The following PCDH15 variants were observed in gnomAD, a reference collection of about 807,000 sequenced individuals.
PCDH15 encodes the protein protocadherin related 15, also known as protocadherin-15.
A neutral mutation model predicts 178.5 loss-of-function variants in PCDH15; 129 were observed. The observed-to-expected ratio is 0.72, with a 90% confidence interval of 0.63 to 0.84. The LOEUF is 0.84. PCDH15 is among the 40% of genes least tolerant of loss of function. The probability of loss-of-function intolerance (pLI) is 0.00; values close to 1 mark genes in which losing one functional copy is unlikely to be tolerated. For synonymous variants in PCDH15, 800 were observed against 732.0 expected, an observed-to-expected ratio of 1.09 and a Z score of -1.50; for missense variants, 2,230 against 2,099.9, an observed-to-expected ratio of 1.06 and a Z score of -1.21.
At chr10:54,042,291 A>C (rs1260735681) in intron 18 of PCDH15, among the ~76,000 whole-genome samples, 3 of 152,108 alleles carry the variant, frequency 2.0e-5, no homozygotes, top group African/African-American at 7.2e-5. Flanking sequence ...CATTTGCCCA[A>C]GTCAATAGTT....
intron 1 of PCDH15, among the ~76,000 whole-genome samples, chr10:55,314,319 A>C (rs781113742): frequency 2.0e-5 from 3 of 151,184 alleles, no homozygotes; most frequent in Non-Finnish European, 4.4e-5. Flanking sequence ...ATTTTCTCTA[A>C]TGTTGACCTA....
intron 18 of PCDH15, among the ~76,000 whole-genome samples, chr10:54,048,394 C>G (rs2093698583): frequency 6.6e-6 from 1 of 152,084 alleles, no homozygotes; most frequent in Non-Finnish European, 1.5e-5. Flanking sequence ...TGCAGAAGCT[C>G]CTTAGTTTAA....
intron 8 of PCDH15, among the ~76,000 whole-genome samples, chr10:54,300,951 C>A (rs969034974): frequency 1.3e-5 from 2 of 152,140 alleles, no homozygotes; most frequent in Admixed American, 1.3e-4. Flanking sequence ...TCACTCCTCA[C>A]AATAAATCTT....
At chr10:54,002,879 C>T (rs2092228179) in intron 20 of PCDH15, among the ~76,000 whole-genome samples, 1 of 152,126 alleles carries the variant, frequency 6.6e-6, no homozygotes, top group Non-Finnish European at 1.5e-5. Context: ...AAGTCCTAGC[C>T]ACCACAGCCA....
At chr10:54,770,222 A>T (rs1174898111) in intron 1 of PCDH15, among the ~76,000 whole-genome samples, 1 of 152,100 alleles carries the variant, frequency 6.6e-6, no homozygotes, top group Non-Finnish European at 1.5e-5. Flanking sequence ...GAGTTAACTG[A>T]TTCTGTTAAT....
intron 1 of PCDH15, among the ~76,000 whole-genome samples, chr10:55,260,340 G>T (rs971584447): frequency 6.6e-6 from 1 of 151,956 alleles, no homozygotes; most frequent in Non-Finnish European, 1.5e-5. Context: ...AGGAGGAAAG[G>T]GGATAAAAGG....
chr10:53,903,387 G>C lies in PCDH15; in HGVS notation c.3374-17C>G. ...CTGTATTGCCTGGAGGACAAGAAAC[G>C]ATGCATTTTTTATTGGTGGTTATTC... On this transcript the variant is annotated splice_polypyrimidine_tract_variant and intron_variant, in intron 25 of 37. Coordinates refer to ENST00000644397, the MANE Select transcript of PCDH15 (RefSeq NM_001384140.1). 6.2e-7 allele frequency: 1 copy of C among 1,611,096 alleles called. No homozygotes were observed. Among genetic ancestry groups the C allele is most frequent in the Non-Finnish European group, 8.5e-7 (1 of 1,178,656 alleles).
Position 54,132,861 on chromosome 10 carries a change from A to C in PCDH15, c.1917+14T>G, listed in dbSNP as rs1338380756. The C allele has an allele frequency of 1.9e-6, 3 of 1,604,208 alleles. No homozygotes were observed. The highest frequency in any genetic ancestry group is 2.6e-6 in the Non-Finnish European group (3 of 1,175,158). On this transcript the variant is annotated intron_variant, in intron 15 of 37. Transcript: ENST00000644397. ...TTTATACACACACACACACACACAC[A>C]CCAAGGAACATACCTGTAGATTTAA...
chr10:55,086,717 A>G (rs964965882), intron 2 of PCDH15, among the ~76,000 whole-genome samples: 1 of 152,102 alleles, frequency 6.6e-6, no homozygotes, highest in Non-Finnish European at 1.5e-5. Flanking sequence ...AATGACACAC[A>G]GTCAATTTCC....
intron 15 of PCDH15, among the ~76,000 whole-genome samples, chr10:54,109,243 A>C (rs2094970786): frequency 6.6e-6 from 1 of 152,342 alleles, no homozygotes; most frequent in African/African-American, 2.4e-5. Context: ...AGGTATAAAC[A>C]CAGAAGGATG....
intron 3 of PCDH15, among the ~76,000 whole-genome samples, chr10:54,497,814 A>G (rs2080274845): frequency 6.6e-6 from 1 of 152,126 alleles, no homozygotes; most frequent in South Asian, 2.1e-4. Flanking sequence ...ATGTAAAGAG[A>G]CCAAGTCTAT....
intron 2 of PCDH15, among the ~76,000 whole-genome samples, chr10:55,034,174 G>A (rs1840681142): frequency 6.6e-6 from 1 of 152,132 alleles, no homozygotes; most frequent in African/African-American, 2.4e-5. Flanking sequence ...AGTTCAGAGT[G>A]ATAAATACAC....
intron 26 of PCDH15, among the ~76,000 whole-genome samples, chr10:53,891,974 A>T (rs993605413): frequency 5.9e-5 from 9 of 151,640 alleles, no homozygotes; most frequent in African/African-American, 2.2e-4. Context: ...ATATCAAAAC[A>T]AACAAACAAA....
intron 3 of PCDH15, among the ~76,000 whole-genome samples, chr10:54,416,833 G>A (rs1174353811): frequency 6.6e-6 from 1 of 152,086 alleles, no homozygotes; most frequent in Non-Finnish European, 1.5e-5. Context: ...GGCATGAGAT[G>A]GTATCTCACT....
chr10:55,622,781 A>G (rs549650110), intron 2 of PCDH15, among the ~76,000 whole-genome samples: 22 of 151,928 alleles, frequency 1.4e-4, no homozygotes, highest in Admixed American at 1.3e-3. Flanking sequence ...CAAAAGAAAA[A>G]CCTCCAGAAA....
At chr10:54,420,018 A>G (rs547269552) in intron 3 of PCDH15, among the ~76,000 whole-genome samples, 1 of 152,202 alleles carries the variant, frequency 6.6e-6, no homozygotes, top group South Asian at 2.1e-4. Flanking sequence ...ACCACTCTGG[A>G]TTATAAAATA....
chr10:55,246,565 C>T (rs1204457949), intron 1 of PCDH15, among the ~76,000 whole-genome samples: 1 of 151,970 alleles, frequency 6.6e-6, no homozygotes, highest in Non-Finnish European at 1.5e-5. Flanking sequence ...GTAATAAATT[C>T]CAATTTAGGA....
intron 8 of PCDH15, among the ~76,000 whole-genome samples, chr10:54,239,418 TA>T (rs200654657): frequency 0.014 from 1,945 of 140,902 alleles, 32 homozygotes; most frequent in African/African-American, 0.051. Flanking sequence ...TGATTAAATA[TA>T]TATATATATA....
At chr10:54,621,524 A>C (rs1198463153) in intron 2 of PCDH15, among the ~76,000 whole-genome samples, 1 of 152,000 alleles carries the variant, frequency 6.6e-6, no homozygotes, top group Admixed American at 6.6e-5. Context: ...CAGATAACTC[A>C]ATTTTTCATA....
Sources: gnomAD v4.1 joint callset for allele counts (sites outside exome capture counted in the v4.1 genomes callset) on GRCh38, gnomAD v4.1.1 for gene constraint, MANE v1.5 for transcripts, NCBI Gene and HGNC (gene_info 2026-07-23, HGNC 2026-07-21) for gene names.